Variants in GPATCH1 observed in about 807,000 individuals in gnomAD.
GPATCH1 encodes the protein G-patch domain containing 1.
In GPATCH1, 73 loss-of-function variants were observed where a neutral mutation model predicts 114.9. The observed-to-expected ratio is 0.64, with a 90% CI of 0.53 to 0.77. The LOEUF (loss-of-function observed/expected upper bound fraction) is 0.77. Among genes scored for constraint, GPATCH1 ranks in the 30% least tolerant of loss-of-function variants. The pLI, the probability that GPATCH1 is intolerant of heterozygous loss-of-function variation, is 0.00. For missense variants in GPATCH1, 1,058 were observed against 1,144.3 expected, an observed-to-expected ratio of 0.92 and a Z score of 1.09; for synonymous variants, 391 against 428.4, an observed-to-expected ratio of 0.91 and a Z score of 1.08.
In GPATCH1 at chr19:33,090,873, T is replaced by C. The variant is rs1309174426; in HGVS notation, c.294+8T>C. 1.9e-6 allele frequency: 3 copies of C among 1,589,144 alleles called. No individual in the cohort carries two copies. Among genetic ancestry groups the C allele is most frequent in the Non-Finnish European group, 2.6e-6 (3 of 1,157,764 alleles). ...GATTTTATGGATGAAGAGGTGCGTGTGCAAAACTTTAATTGCCAATTAGCT... is the reference window on the plus strand; with the variant it reads ...GATTTTATGGATGAAGAGGTGCGTGCGCAAAACTTTAATTGCCAATTAGCT... On this transcript the variant is annotated splice_region_variant and intron_variant, in intron 3 of 19. Coordinates refer to ENST00000170564, the MANE Select transcript of GPATCH1 (RefSeq NM_018025.3).
At chr19:33,101,428 G>T in intron 8 of GPATCH1, 67 bp from the exon 9 acceptor site, 1 of 860,360 alleles carries the variant, frequency 1.2e-6, no homozygotes. Flanking sequence ...AACGTAAAAT[G>T]CTGATGTGTT....
At chr19:33,116,173 C>G (rs1341991707) in intron 15 of GPATCH1, among the ~76,000 whole-genome samples, 1 of 152,160 alleles carries the variant, frequency 6.6e-6, no homozygotes, top group Non-Finnish European at 1.5e-5. Context: ...ACTCTCCTCC[C>G]TCTATGCTGT....
chr19:33,107,012 A>G (rs1038189340), intron 10 of GPATCH1, 113 bp downstream of exon 10: 1 of 750,184 alleles, frequency 1.3e-6, no homozygotes, highest in Admixed American at 2.4e-5. Flanking sequence ...GTATTCCCAA[A>G]CTGTGGAAAT....
Position 33,125,073 on chromosome 19 carries a change from TA to T in GPATCH1, c.2522-31del, listed in dbSNP as rs770890678. ...GGATAGTCTTTGTTTTCGTGCTATA[TA>T]GGTCCTGTGTTTATTACCTTTGTGT... is the stretch of plus-strand genomic sequence containing the variant. On this transcript the variant is annotated intron_variant, in intron 17 of 19. Transcript: ENST00000170564. 4 of 1,571,596 alleles carry T rather than the reference TA, an allele frequency of 2.5e-6. No individual in the cohort carries two copies. In the Admixed American group the frequency reaches 7.6e-5, roughly 30 times the overall value.
intron 14 of GPATCH1, 50 bp downstream of exon 14, chr19:33,113,953 A>T: frequency 6.4e-7 from 1 of 1,550,700 alleles, no homozygotes; most frequent in Non-Finnish European, 8.8e-7. Flanking sequence ...CTCAACCCCT[A>T]GCCTGTAGGA....
At chr19:33,126,141 T>C (rs1242829244) in intron 18 of GPATCH1, among the ~76,000 whole-genome samples, 1 of 152,236 alleles carries the variant, frequency 6.6e-6, no homozygotes, top group Non-Finnish European at 1.5e-5. Flanking sequence ...AATCTGTGTG[T>C]CCTTACCAGT....
chr19:33,095,096 G>C (rs1465303912), intron 5 of GPATCH1, among the ~76,000 whole-genome samples: 3 of 152,054 alleles, frequency 2.0e-5, no homozygotes, highest in Non-Finnish European at 4.4e-5. Context: ...TAGTCCAGAA[G>C]GTTGAGGCTA....
rs374045266 is a variant in GPATCH1, at chr19:33,090,810, G to T, written c.239G>T (p.Arg80Leu). The T allele has an allele frequency of 8.1e-6, 13 of 1,612,562 alleles. No individual in the cohort carries two copies. Among genetic ancestry groups the T allele is most frequent in the South Asian group, 1.1e-5 (1 of 91,012 alleles). ...ACACCCTCTACCTTTGTGTCTTCAC[G>T]ACAGAACAGAGCAGACAAATCTGTT... ...GWTPSTFVSS[R>L]QNRADKSVLG... Residue 80 changes from arginine (R) to leucine (L), a missense_variant, in exon 3 of 20, where the codon CGA becomes CTA. Physicochemically the swap from Arg to Leu is moderately radical, Grantham distance 102. Around this residue, in one of 3 missense-constraint regions of GPATCH1, gnomAD observed 131 missense variants for 107.2 expected, o/e 1.22. Transcript: ENST00000170564.
At position 33,096,249 on chromosome 19, in the gene GPATCH1, C is replaced by A; in HGVS notation, c.655C>A (p.Pro219Thr). Residue 219 changes from proline to threonine, a missense_variant, in exon 7 of 20, where the codon CCC (proline) becomes ACC (threonine). By Grantham distance (38) the Pro-to-Thr change is conservative (BLOSUM62 -1). This residue lies in a region of GPATCH1 where 893 missense variants were observed against 977.4 expected (regional missense o/e 0.91). Coordinates refer to ENST00000170564, the MANE Select transcript of GPATCH1 (RefSeq NM_018025.3). ...CTTGCCTGATAATGTGACCTTTGCACCCAAAGATGTCACACCTGTGGATTT... is the reference window on the plus strand; with the variant it reads ...CTTGCCTGATAATGTGACCTTTGCAACCAAAGATGTCACACCTGTGGATTT... ...DYLPDNVTFAPKDVTPVDFTP... is the reference protein window; with the variant it reads ...DYLPDNVTFATKDVTPVDFTP... 6.2e-7 allele frequency: 1 copy of A among 1,612,796 alleles called. No homozygotes were observed. The highest frequency in any genetic ancestry group is 1.1e-5 in the South Asian group (1 of 91,056).
chr19:33,124,323 G>A (rs1271585902), intron 17 of GPATCH1, among the ~76,000 whole-genome samples: 1 of 152,026 alleles, frequency 6.6e-6, no homozygotes, highest in African/African-American at 2.4e-5. Context: ...GATTTTTAAT[G>A]ATTATATACA....
chr19:33,126,811 A>G (rs749919981), intron 19 of GPATCH1, 78 bp downstream of exon 19: 59 of 1,242,094 alleles, frequency 4.8e-5, no homozygotes, highest in Non-Finnish European at 5.8e-5. Context: ...CTTAGAGGCA[A>G]ATATCAGAAA....
At chr19:33,108,027 CCT>C (rs376208102) in intron 10 of GPATCH1, among the ~76,000 whole-genome samples, 1 of 152,010 alleles carries the variant, frequency 6.6e-6, no homozygotes, top group Non-Finnish European at 1.5e-5. Flanking sequence ...ATTCTTAGCT[CCT>C]CTCTTTTCGG....
chr19:33,129,422 A>G (rs1188307309), intron 19 of GPATCH1, among the ~76,000 whole-genome samples: 1 of 151,918 alleles, frequency 6.6e-6, no homozygotes, highest in Non-Finnish European at 1.5e-5. Context: ...AAAAATTAAA[A>G]AAAAAAAAAA....
Position 33,114,271 on chromosome 19 carries a change from G to C in GPATCH1, c.2048G>C (p.Arg683Thr), listed in dbSNP as rs768150892. 1 of 1,611,298 alleles carries C rather than the reference G, an allele frequency of 6.2e-7. No individual in the cohort carries two copies. The highest frequency in any genetic ancestry group is 1.1e-5 in the South Asian group (1 of 90,798). ...RGPDKSRKPSRWDTSKHEKKE... is the reference protein window; with the variant it reads ...RGPDKSRKPSTWDTSKHEKKE... ...CTTTCAGAATCAAGAAAACCATCCA[G>C]ATGGGATACCTCTAAACACGAAAAG... The change falls in exon 15 of 20, where the codon AGA becomes ACA. Residue 683 changes from arginine (R) to threonine (T), a missense_variant. By Grantham distance (71) the Arg-to-Thr change is moderately conservative. Around this residue, in one of 3 missense-constraint regions of GPATCH1, gnomAD observed 893 missense variants for 977.4 expected, o/e 0.91. Coordinates refer to ENST00000170564, the MANE Select transcript of GPATCH1 (RefSeq NM_018025.3).
At chr19:33,125,857 G>A (rs777223749) in intron 18 of GPATCH1, among the ~76,000 whole-genome samples, 5 of 152,086 alleles carry the variant, frequency 3.3e-5, no homozygotes, top group African/African-American at 4.8e-5. Flanking sequence ...ATTTTAGTCC[G>A]TCACTTGCCG....
intron 10 of GPATCH1, among the ~76,000 whole-genome samples, chr19:33,108,092 C>A (rs746787273): frequency 2.0e-5 from 3 of 152,074 alleles, no homozygotes; most frequent in Non-Finnish European, 2.9e-5. Flanking sequence ...CCTCTCGGCT[C>A]TACCCACACG....
chr19:33,095,911 C>A, intron 6 of GPATCH1, 91 bp downstream of exon 6: 1 of 929,946 alleles, frequency 1.1e-6, no homozygotes, highest in Non-Finnish European at 1.8e-6. Context: ...TTTTAGAAAT[C>A]AGATCCAATA....
rs1174043117 is a variant in GPATCH1, at chr19:33,081,627, G to A, written c.73+361G>A. Among the ~76,000 whole-genome samples, 4 of 152,216 alleles carry A rather than the reference G, an allele frequency of 2.6e-5. No individual in the cohort carries two copies. The East Asian group carries it at 7.7e-4, about 29-fold the overall frequency. On this transcript the variant is annotated intron_variant, in intron 1 of 19. Transcript: ENST00000170564. The stretch of plus-strand genomic sequence containing the variant: ...AAAACAACCATGAGCAAATCTGGAG[G>A]GAAAGCATTTCAGGCAGAAGGAACA...
At chr19:33,089,609 G>A (rs1023636987) in intron 2 of GPATCH1, among the ~76,000 whole-genome samples, 3 of 146,058 alleles carry the variant, frequency 2.1e-5, no homozygotes, top group Admixed American at 6.9e-5. Context: ...AGATGGGCTA[G>A]ATCTTTTATA....
Sources: allele counts gnomAD v4.1 joint callset (sites outside exome capture counted in the v4.1 genomes callset), GRCh38; gene constraint gnomAD v4.1.1; regional missense constraint gnomAD v4.1.1; transcripts MANE v1.5; gene names NCBI Gene and HGNC (gene_info 2026-07-23, HGNC 2026-07-21).